SGCZ: variants seen among roughly 807,000 people sequenced by gnomAD.
SGCZ encodes sarcoglycan zeta.
SGCZ carries 40 observed loss-of-function variants against 41.3 expected under a neutral mutation model. That is an observed-to-expected ratio of 0.97 (90% CI 0.75 to 1.26). The LOEUF is 1.26. SGCZ is among the 50% of genes most tolerant of loss of function. The pLI is 0.00. For missense variants in SGCZ, 552 were observed against 369.8 expected (o/e 1.49, Z -4.04); for synonymous variants, 206 against 137.5 (o/e 1.50, Z -3.49).
intron 1 of SGCZ, among the ~76,000 whole-genome samples, chr8:14,567,533 GC>G (rs951828037): frequency 8.5e-4 from 129 of 152,238 alleles, no homozygotes; most frequent in African/African-American, 2.8e-3. Context: ...AAACCAATCG[GC>G]TCTCTGTAAC....
At chr8:14,771,979 A>G (rs1800255660) in intron 1 of SGCZ, among the ~76,000 whole-genome samples, 1 of 152,130 alleles carries the variant, frequency 6.6e-6, no homozygotes, top group African/African-American at 2.4e-5. Flanking sequence ...CAAATTTACA[A>G]TGGTTCAACT....
At chr8:15,054,566 G>T (rs1804634345) in intron 1 of SGCZ, among the ~76,000 whole-genome samples, 2 of 152,140 alleles carry the variant, frequency 1.3e-5, no homozygotes, top group African/African-American at 2.4e-5. Context: ...GTATATAACA[G>T]TTTAACATGC....
At chr8:14,935,413 C>A (rs1800052940) in intron 1 of SGCZ, among the ~76,000 whole-genome samples, 1 of 150,480 alleles carries the variant, frequency 6.6e-6, no homozygotes, top group Non-Finnish European at 1.5e-5. Context: ...TGAAGGACAT[C>A]TGGGTCACTC....
At chr8:14,697,004 G>C (rs2055856) in intron 1 of SGCZ, among the ~76,000 whole-genome samples, 57,698 of 151,854 alleles carry the variant, frequency 0.38, 13,545 homozygotes, top group Non-Finnish European at 0.53. Context: ...GCTTAGCACA[G>C]TCTTACATTA....
At chr8:15,168,459 G>C (rs920154930) in intron 1 of SGCZ, among the ~76,000 whole-genome samples, 3 of 152,146 alleles carry the variant, frequency 2.0e-5, no homozygotes, top group African/African-American at 7.2e-5. Context: ...CTATTCTCTA[G>C]CTCCCCCCAC....
intron 1 of SGCZ, among the ~76,000 whole-genome samples, chr8:14,652,343 A>AC (rs1807427432): frequency 8.7e-5 from 1 of 11,524 alleles, no homozygotes; most frequent in East Asian, 6.9e-3. Flanking sequence ...TCAAAAAAAA[A>AC]AAAGGGGGGG....
At chr8:14,250,229 C>G (rs747541605) in intron 3 of SGCZ, among the ~76,000 whole-genome samples, 2 of 152,146 alleles carry the variant, frequency 1.3e-5, no homozygotes, top group African/African-American at 4.8e-5. Flanking sequence ...AGTGTGGCCC[C>G]AAATCATAGA....
chr8:14,185,725 T>C (rs915178824), intron 4 of SGCZ, among the ~76,000 whole-genome samples: 15 of 152,204 alleles, frequency 9.9e-5, no homozygotes, highest in African/African-American at 2.2e-4. Context: ...ATCGTCTTTC[T>C]ATTCTCTAAA....
At chr8:15,049,092 G>A (rs935828934) in intron 1 of SGCZ, among the ~76,000 whole-genome samples, 5 of 152,230 alleles carry the variant, frequency 3.3e-5, no homozygotes, top group South Asian at 2.1e-4. Flanking sequence ...AATGCACAGT[G>A]CTACACAATG....
At chr8:14,199,136 A>T (rs1400928196) in intron 4 of SGCZ, among the ~76,000 whole-genome samples, 1 of 152,230 alleles carries the variant, frequency 6.6e-6, no homozygotes, top group East Asian at 1.9e-4. Flanking sequence ...CTCTTCTTTC[A>T]AAAGCAAATG....
chr8:14,400,471 A>G (rs1799040406), intron 2 of SGCZ, among the ~76,000 whole-genome samples: 1 of 152,104 alleles, frequency 6.6e-6, no homozygotes, highest in Non-Finnish European at 1.5e-5. Context: ...TTTTGTGTGG[A>G]TAGATGTTTG....
intron 1 of SGCZ, among the ~76,000 whole-genome samples, chr8:14,785,456 G>C (rs1273575875): frequency 1.3e-5 from 2 of 151,926 alleles, no homozygotes; most frequent in Non-Finnish European, 2.9e-5. Flanking sequence ...AATTTAAAAT[G>C]CATGGTATAA....
At chr8:14,852,707 T>C (rs1803377002) in intron 1 of SGCZ, among the ~76,000 whole-genome samples, 1 of 152,200 alleles carries the variant, frequency 6.6e-6, no homozygotes. Context: ...CAACCACAGC[T>C]TGTATAATTA....
chr8:14,457,566 G>GT (rs1800783688), intron 2 of SGCZ, among the ~76,000 whole-genome samples: 1 of 152,342 alleles, frequency 6.6e-6, no homozygotes, highest in East Asian at 1.9e-4. Flanking sequence ...CTGTGCTTCA[G>GT]TGGTCACGCT....
chr8:14,417,949 G>A (rs1024547184), intron 2 of SGCZ, among the ~76,000 whole-genome samples: 3 of 151,778 alleles, frequency 2.0e-5, no homozygotes, highest in Non-Finnish European at 4.4e-5. Flanking sequence ...TTTTTATCAT[G>A]AATGTCATAT....
intron 1 of SGCZ, among the ~76,000 whole-genome samples, chr8:14,696,757 C>T (rs962543132): frequency 2.0e-5 from 3 of 150,528 alleles, no homozygotes; most frequent in Non-Finnish European, 4.4e-5. Flanking sequence ...TAACATGTGG[C>T]GTTCATAAGT....
intron 5 of SGCZ, among the ~76,000 whole-genome samples, chr8:14,110,267 A>C (rs768750901): frequency 6.6e-6 from 1 of 152,172 alleles, no homozygotes; most frequent in Non-Finnish European, 1.5e-5. Context: ...AAAGATAGTG[A>C]AAATTAATTT....
chr8:14,613,328 C>G (rs762879517), intron 1 of SGCZ, among the ~76,000 whole-genome samples: 1 of 152,018 alleles, frequency 6.6e-6, no homozygotes, highest in African/African-American at 2.4e-5. Flanking sequence ...CTGAAGGAAA[C>G]TAGTAAGTTT....
intron 2 of SGCZ, among the ~76,000 whole-genome samples, chr8:14,518,370 C>T (rs996718244): frequency 2.0e-5 from 3 of 151,900 alleles, no homozygotes; most frequent in East Asian, 1.9e-4. Flanking sequence ...ATACACTACA[C>T]GTATAAAATA....
Sources: allele counts gnomAD v4.1 joint callset (sites outside exome capture counted in the v4.1 genomes callset), GRCh38; gene constraint gnomAD v4.1.1; transcripts MANE v1.5; gene names NCBI Gene and HGNC (gene_info 2026-07-23, HGNC 2026-07-21).